FSTL4: variants seen among roughly 807,000 people sequenced by gnomAD.
The protein encoded by FSTL4 is follistatin-related protein 4.
In FSTL4, 28 loss-of-function variants were observed where a neutral mutation model predicts 78.2. The ratio of observed to expected loss-of-function variants is 0.36; its 90% CI spans 0.27 to 0.49. The LOEUF is 0.49. FSTL4 is among the 20% of genes least tolerant of loss of function. FSTL4 has a pLI of 0.98. For missense variants in FSTL4, 922 were observed against 1,084.9 expected (o/e 0.85, Z 2.11); for synonymous variants, 422 against 440.5 (o/e 0.96, Z 0.53).
chr5:133,239,682 C>A (rs4958110), intron 7 of FSTL4, among the ~76,000 whole-genome samples: 24,048 of 150,222 alleles, frequency 0.16, 2,315 homozygotes, highest in East Asian at 0.48. Flanking sequence ...GTAAACCCAC[C>A]AATCAGCACC....
chr5:133,276,464 A>G (rs974219439), intron 6 of FSTL4, among the ~76,000 whole-genome samples: 5 of 152,170 alleles, frequency 3.3e-5, no homozygotes, highest in African/African-American at 1.2e-4. Flanking sequence ...CAAATTCTTG[A>G]AAAGTGTCCC....
chr5:133,736,042 G>A, the FSTL4 span, among the ~76,000 whole-genome samples: 1 of 152,242 alleles, frequency 6.6e-6, no homozygotes, highest in Non-Finnish European at 1.5e-5. Flanking sequence ...GCTATCAGGT[G>A]ACAAGGAGGC....
the FSTL4 span, among the ~76,000 whole-genome samples, chr5:133,735,532 T>G: frequency 1.3e-5 from 2 of 152,154 alleles, no homozygotes; most frequent in Non-Finnish European, 2.9e-5. Flanking sequence ...TGTCATTCCC[T>G]TCACCAAAAC....
At chr5:133,463,168 T>C (rs1229078983) in intron 3 of FSTL4, among the ~76,000 whole-genome samples, 1 of 152,216 alleles carries the variant, frequency 6.6e-6, no homozygotes, top group Non-Finnish European at 1.5e-5. Context: ...CTCCCTGTCC[T>C]ATGAGTACCT....
At chr5:133,516,639 C>G (rs972079653) in intron 3 of FSTL4, among the ~76,000 whole-genome samples, 16 of 152,028 alleles carry the variant, frequency 1.1e-4, no homozygotes, top group Non-Finnish European at 2.1e-4. Context: ...GGGAACATAA[C>G]AAAAATTATT....
At chr5:133,277,660 TG>T (rs1205508001) in intron 6 of FSTL4, among the ~76,000 whole-genome samples, 1 of 152,170 alleles carries the variant, frequency 6.6e-6, no homozygotes, top group Admixed American at 6.5e-5. Context: ...GCAGGAAGGC[TG>T]GGGCCCTCCT....
chr5:133,570,206 CA>C (rs923597727), intron 2 of FSTL4, among the ~76,000 whole-genome samples: 8 of 128,774 alleles, frequency 6.2e-5, no homozygotes, highest in Admixed American at 7.8e-5. Flanking sequence ...GACTCCGTCT[CA>C]AAAAAAAAAC....
chr5:133,494,057 T>C (rs1206888333), intron 3 of FSTL4, among the ~76,000 whole-genome samples: 1 of 152,234 alleles, frequency 6.6e-6, no homozygotes, highest in African/African-American at 2.4e-5. Flanking sequence ...TGCCAGAAAC[T>C]GTTTTAAGCA....
chr5:133,327,713 C>G (rs116191876), intron 4 of FSTL4, among the ~76,000 whole-genome samples: 2,687 of 152,250 alleles, frequency 0.018, 84 homozygotes, highest in African/African-American at 0.062. Context: ...AGCACTGGGT[C>G]TGTCTCTTGT....
At chr5:133,718,434 C>T in the FSTL4 span, among the ~76,000 whole-genome samples, 1 of 152,092 alleles carries the variant, frequency 6.6e-6, no homozygotes, top group Non-Finnish European at 1.5e-5. Context: ...CTCCTTGTGG[C>T]TTTATTTTTA....
intron 3 of FSTL4, among the ~76,000 whole-genome samples, chr5:133,503,161 T>C (rs965864990): frequency 3.3e-5 from 5 of 152,100 alleles, no homozygotes; most frequent in South Asian, 2.1e-4. Flanking sequence ...CAGAGAGATA[T>C]AGAAATGATC....
rs143375028 is a variant in FSTL4 at position 133,241,944 on chromosome 5, G to A, written c.894+7466C>T. Among the ~76,000 whole-genome samples the A allele has an allele frequency of 7.5e-3, 1,137 of 152,272 alleles. 7 individuals carry two copies. The highest frequency in any genetic ancestry group is 0.013 in the Non-Finnish European group (860 of 68,026). On this transcript the variant is annotated intron_variant, in intron 7 of 15. Coordinates refer to ENST00000265342, the MANE Select transcript of FSTL4 (RefSeq NM_015082.2). ...ATTTCCTTCTATGGCTCATTTCAGG[G>A]ACCAAGACGACTTTCAGTTAGGAAT...
chr5:133,240,145 C>T (rs1751799317), intron 7 of FSTL4, among the ~76,000 whole-genome samples: 1 of 152,186 alleles, frequency 6.6e-6, no homozygotes, highest in African/African-American at 2.4e-5. Context: ...AGCGAGACCA[C>T]GAACCCACCA....
chr5:133,705,772 C>T, the FSTL4 span, among the ~76,000 whole-genome samples: 4 of 152,012 alleles, frequency 2.6e-5, no homozygotes, highest in African/African-American at 9.7e-5. Flanking sequence ...TTCCCCTCTA[C>T]TCATCCTCTC....
At chr5:133,345,515 G>T (rs1010776702) in intron 4 of FSTL4, among the ~76,000 whole-genome samples, 4 of 152,186 alleles carry the variant, frequency 2.6e-5, no homozygotes, top group South Asian at 2.1e-4. Flanking sequence ...CATCGTGAAT[G>T]GTATTGCCTA....
chr5:133,629,509 C>A, the FSTL4 span, among the ~76,000 whole-genome samples: 1 of 152,070 alleles, frequency 6.6e-6, no homozygotes, highest in African/African-American at 2.4e-5. Flanking sequence ...AATTAACAGC[C>A]TATCAACCAA....
intron 4 of FSTL4, among the ~76,000 whole-genome samples, chr5:133,348,919 G>T (rs545564076): frequency 4.6e-5 from 7 of 152,244 alleles, no homozygotes; most frequent in African/African-American, 1.2e-4. Flanking sequence ...AAATCTACCC[G>T]CCTGAACCAG....
At chr5:133,209,193 G>T (rs186612279) in intron 14 of FSTL4, among the ~76,000 whole-genome samples, 1 of 152,266 alleles carries the variant, frequency 6.6e-6, no homozygotes, top group Non-Finnish European at 1.5e-5. Flanking sequence ...ACCCAAGAAT[G>T]GTTGGTGGCT....
At chr5:133,614,291 G>A (rs531588485), upstream of FSTL4, among the ~76,000 whole-genome samples, 67 of 152,290 alleles carry the variant, frequency 4.4e-4, no homozygotes, top group Admixed American at 1.2e-3. Context: ...GTAAATCAGG[G>A]TCTATAGGTT....
Sources: gnomAD v4.1 joint callset for allele counts (sites outside exome capture counted in the v4.1 genomes callset) on GRCh38, gnomAD v4.1.1 for gene constraint, MANE v1.5 for transcripts, NCBI Gene and HGNC (gene_info 2026-07-23, HGNC 2026-07-21) for gene names.